Variants in NECTIN2 observed in about 807,000 individuals in gnomAD.
NECTIN2 encodes the protein nectin cell adhesion molecule 2.
A neutral mutation model predicts 56.9 loss-of-function variants in NECTIN2; 23 were observed. The ratio of observed to expected loss-of-function variants is 0.40; its 90% CI spans 0.29 to 0.57. NECTIN2 has a LOEUF of 0.57. NECTIN2 is among the 20% of genes least tolerant of loss of function. The probability of loss-of-function intolerance (pLI) is 0.38; values close to 1 mark genes in which losing one functional copy is unlikely to be tolerated. For missense variants in NECTIN2, 587 were observed against 718.3 expected (o/e 0.82, Z 2.09); for synonymous variants, 302 against 313.8 (o/e 0.96, Z 0.40).
At position 44,865,366 on chromosome 19, in the gene NECTIN2, G is replaced by A; in HGVS notation, c.184G>A (p.Gly62Arg). The A allele has an allele frequency of 6.2e-7, 1 of 1,614,154 alleles. No homozygotes were observed. The highest frequency in any genetic ancestry group is 8.5e-7 in the Non-Finnish European group (1 of 1,180,036). Residue 62 changes from glycine to arginine, a missense_variant, in exon 2 of 9, where the codon GGA becomes AGA. Gly to Arg is a moderately radical substitution (Grantham distance 125). Coordinates refer to ENST00000252483, the MANE Select transcript of NECTIN2 (RefSeq NM_001042724.2). This position sits in a 1 kb window ranked among gnomAD's most constrained non-coding sequence, Gnocchi z 5.2. ...LPCHLLPPVP[G>R]LYISLVTWQR... ...GTGCCACCTGCTGCCACCTGTTCCT[G>A]GACTGTACATCTCCCTGGTGACCTG...
At chr19:44,886,337 C>T in intron 8 of NECTIN2, 118 bp downstream of exon 8, 3 of 790,888 alleles carry the variant, frequency 3.8e-6, no homozygotes, top group South Asian at 3.4e-5. Context: ...GGGTGTGTCC[C>T]CGGTTGGTGC....
chr19:44,861,657 C>G (rs1355266846), intron 1 of NECTIN2, among the ~76,000 whole-genome samples: 1 of 151,962 alleles, frequency 6.6e-6, no homozygotes, highest in African/African-American at 2.4e-5. Flanking sequence ...AACAAATTTA[C>G]AAGAAAAGAA....
intron 8 of NECTIN2, among the ~76,000 whole-genome samples, chr19:44,887,371 G>A (rs545164610): frequency 5.3e-5 from 8 of 152,038 alleles, no homozygotes; most frequent in Admixed American, 3.3e-4. Context: ...GGCCGGGTGC[G>A]GTTGCTCACG....
chr19:44,847,759 C>T (rs1403748528), intron 1 of NECTIN2, among the ~76,000 whole-genome samples: 1 of 152,174 alleles, frequency 6.6e-6, no homozygotes, highest in Non-Finnish European at 1.5e-5. Flanking sequence ...GTTCCGGACT[C>T]CCCGGTTTCG....
chr19:44,868,685 G>A (rs143047776), intron 2 of NECTIN2, among the ~76,000 whole-genome samples: 7 of 151,294 alleles, frequency 4.6e-5, no homozygotes, highest in African/African-American at 1.5e-4. Flanking sequence ...AGGCCGAGGC[G>A]GGCGGATCAC....
chr19:44,864,870 C>T (rs1461733253), intron 1 of NECTIN2, among the ~76,000 whole-genome samples: 1 of 151,992 alleles, frequency 6.6e-6, no homozygotes, highest in Non-Finnish European at 1.5e-5. Context: ...CTCACCTTCT[C>T]CACCTAGACC....
At chr19:44,866,638 C>T (rs917739954) in intron 2 of NECTIN2, among the ~76,000 whole-genome samples, 3 of 151,904 alleles carry the variant, frequency 2.0e-5, no homozygotes, top group Admixed American at 6.6e-5. Flanking sequence ...GTCAGGGTGG[C>T]TGGAGACATA....
At chr19:44,876,334 C>T (rs1969236732) in intron 5 of NECTIN2, among the ~76,000 whole-genome samples, 1 of 152,034 alleles carries the variant, frequency 6.6e-6, no homozygotes, top group Non-Finnish European at 1.5e-5. Flanking sequence ...ATCCCCTGCC[C>T]ACACACCCAG....
chr19:44,862,268 CACTGTGTGT>C (rs1969039794), intron 1 of NECTIN2, among the ~76,000 whole-genome samples: 1 of 150,174 alleles, frequency 6.7e-6, no homozygotes, highest in Non-Finnish European at 1.5e-5. Context: ...CAAAAAAATT[CACTGTGTGT>C]GGTGGCGGGC....
At position 44,882,265 on chromosome 19, in the gene NECTIN2, T is replaced by C; in HGVS notation, c.1097T>C (p.Ile366Thr). The C allele has an allele frequency of 6.4e-7, 1 of 1,558,338 alleles. No homozygotes were observed. Among genetic ancestry groups the C allele is most frequent in the Non-Finnish European group, 8.7e-7 (1 of 1,151,542 alleles). The part of the protein sequence containing the change: ...GATGGIIGGI[I>T]AAIIATAVAA... ...ACAGGCGGCATCATCGGGGGCATCA[T>C]CGCCGCCATCATTGCTACTGCTGTG... is the stretch of plus-strand genomic sequence containing the variant. Residue 366 changes from isoleucine to threonine, a missense_variant, in exon 6 of 9, where the codon ATC becomes ACC. Physicochemically the swap from Ile to Thr is moderately conservative, Grantham distance 89 (BLOSUM62 -1). Transcript: ENST00000252483.
chr19:44,879,476 C>T (rs1969284120), intron 5 of NECTIN2, among the ~76,000 whole-genome samples: 1 of 151,884 alleles, frequency 6.6e-6, no homozygotes, highest in Non-Finnish European at 1.5e-5. Flanking sequence ...ATGGGGCAGG[C>T]GGGGGGTGCT....
Position 44,874,395 on chromosome 19 carries a change from A to G in NECTIN2, c.959A>G (p.Asp320Gly). The change falls in exon 5 of 9, where the codon GAC becomes GGC. Residue 320 changes from aspartate (D) to glycine (G), a missense_variant. Asp to Gly is a moderately conservative substitution (Grantham distance 94). Transcript: ENST00000252483. The surrounding 1 kb of genome is among the most constrained non-coding windows in gnomAD (Gnocchi z 6.3). ...TCCCAGCTGGTCATCCACGCAGTGG[A>G]CAGTCTGTTCAATACCACCTTCGTC... ...QGSQLVIHAV[D>G]SLFNTTFVCT... The G allele has an allele frequency of 1.2e-6, 2 of 1,613,970 alleles. No individual in the cohort carries two copies. Among genetic ancestry groups the G allele is most frequent in the Middle Eastern group, 1.6e-4 (1 of 6,062 alleles).
At chr19:44,852,778 G>A (rs1171162973) in intron 1 of NECTIN2, among the ~76,000 whole-genome samples, 2 of 152,082 alleles carry the variant, frequency 1.3e-5, no homozygotes, top group Non-Finnish European at 2.9e-5. Context: ...GATTGCTTAT[G>A]AGGTGAGAGA....
At chr19:44,859,548 A>G (rs1049732871) in intron 1 of NECTIN2, among the ~76,000 whole-genome samples, 3 of 152,198 alleles carry the variant, frequency 2.0e-5, no homozygotes, top group Middle Eastern at 3.4e-3. Context: ...CATGGGCCAC[A>G]CGCCGTGGCT....
Position 44,886,133 on chromosome 19 carries a change from C to T in NECTIN2, c.1261C>T (p.Pro421Ser), listed in dbSNP as rs1278651004. The T allele has an allele frequency of 6.2e-7, 1 of 1,611,556 alleles. No individual in the cohort carries two copies. The highest frequency in any genetic ancestry group is 1.3e-5 in the African/African-American group (1 of 74,852). Residue 421 changes from proline to serine, a missense_variant and splice_region_variant, in exon 8 of 9, where the codon CCC (proline) becomes TCC (serine). Pro to Ser is a moderately conservative substitution (Grantham distance 74). Coordinates refer to ENST00000252483, the MANE Select transcript of NECTIN2 (RefSeq NM_001042724.2). ...PKAKLEAQEM[P>S]SQLFTLGASE... Reference sequence around the variant, plus strand: ...CCTCCCCGCCCCTCTCCCACTACAGCCCTCCCAGCTCTTCACTCTGGGGGC... The same window carrying T: ...CCTCCCCGCCCCTCTCCCACTACAGTCCTCCCAGCTCTTCACTCTGGGGGC...
chr19:44,881,402 G>C (rs772702659), intron 5 of NECTIN2, among the ~76,000 whole-genome samples: 1 of 152,010 alleles, frequency 6.6e-6, no homozygotes, highest in Non-Finnish European at 1.5e-5. Flanking sequence ...AACAATACAA[G>C]GCAGGCCGAG....
intron 1 of NECTIN2, among the ~76,000 whole-genome samples, chr19:44,854,578 C>T (rs781371633): frequency 3.3e-4 from 50 of 152,048 alleles, no homozygotes; most frequent in Non-Finnish European, 6.0e-4. Context: ...TTTGGGAGGC[C>T]GAGGCGGGTG....
chr19:44,849,658 C>T (rs1026425285), intron 1 of NECTIN2, among the ~76,000 whole-genome samples: 1 of 152,062 alleles, frequency 6.6e-6, no homozygotes, highest in African/African-American at 2.4e-5. Flanking sequence ...ACCCAGGAGG[C>T]AGGGAGACTC....
intron 3 of NECTIN2, among the ~76,000 whole-genome samples, chr19:44,873,655 ACAC>A (rs1359450346): frequency 6.6e-6 from 1 of 152,092 alleles, no homozygotes; most frequent in Non-Finnish European, 1.5e-5. Context: ...ACACACACAC[ACAC>A]ATTATTTGTA....
Sources: gnomAD v4.1 joint callset for allele counts (sites outside exome capture counted in the v4.1 genomes callset) on GRCh38, gnomAD v4.1.1 for gene constraint, Gnocchi (gnomAD v3.1) non-coding constraint, MANE v1.5 for transcripts, NCBI Gene and HGNC (gene_info 2026-07-23, HGNC 2026-07-21) for gene names.